The following SPIN2A variants were observed in gnomAD, a reference collection of about 807,000 sequenced individuals.
SPIN2A encodes spindlin family member 2A.
SPIN2A carries 4 observed loss-of-function variants against 9.2 expected under a neutral mutation model. The ratio of observed to expected loss-of-function variants is 0.44; its 90% CI spans 0.21 to 1.00. The LOEUF (loss-of-function observed/expected upper bound fraction) is 1.00. Among genes scored for constraint, SPIN2A ranks in the 50% least tolerant of loss-of-function variants. The probability of loss-of-function intolerance (pLI) is 0.26; values close to 1 mark genes in which losing one functional copy is unlikely to be tolerated. For synonymous variants in SPIN2A, 25 were observed against 61.2 expected (o/e 0.41, Z 2.76); for missense variants, 77 against 172.8 (o/e 0.45, Z 3.11).
At chrX:57,139,566 GCCTC>G (rs1327655058), upstream of SPIN2A, among the ~76,000 whole-genome samples, 4 of 111,103 alleles carry the variant, frequency 3.6e-5, no homozygotes, top group Non-Finnish European at 7.5e-5. Context: ...CCATTCTCCT[GCCTC>G]AGCCTCCCGA....
downstream of SPIN2A, chrX:57,135,560 C>A (rs758823461): frequency 1.0e-5 from 5 of 477,720 alleles, no homozygotes; most frequent in Admixed American, 1.8e-4. Context: ...TTATTCACAG[C>A]CGAAATTGAC....
chrX:57,136,771 T>C, intron 1 of SPIN2A, 169 bp from the exon 2 acceptor site: 2 of 324,247 alleles, frequency 6.2e-6, no homozygotes, highest in Non-Finnish European at 1.1e-5. Flanking sequence ...CCTCTTAAGT[T>C]CCTTTGGGCT....
chrX:57,137,348 G>T lies in SPIN2A; in HGVS notation c.-94C>A. 1 of 757,871 alleles carries T rather than the reference G, an allele frequency of 1.3e-6. No individual in the cohort carries two copies. Among genetic ancestry groups the T allele is most frequent in the Non-Finnish European group, 1.6e-6 (1 of 641,199 alleles). 62.5% of individuals were successfully genotyped at this position (757,871 alleles called of 1,213,427 possible). A position where few individuals can be genotyped will look rare whatever the true frequency, so the allele number is the denominator to read the frequency against. The stretch of plus-strand genomic sequence containing the variant: ...CTGCTTGCAAGAGCGGGGAGGGTAG[G>T]ATCCATAGATGAGGAGCGTGTGTAG... On this transcript the variant is annotated 5_prime_UTR_variant, in exon 1 of 2. Coordinates refer to ENST00000374906, the MANE Select transcript of SPIN2A (RefSeq NM_019003.5).
At chrX:57,142,037 G>A (rs920523405), upstream of SPIN2A, among the ~76,000 whole-genome samples, 8 of 110,513 alleles carry the variant, frequency 7.2e-5, no homozygotes, top group African/African-American at 2.6e-4. Context: ...GTAGATTTTT[G>A]TCATGTTTTC....
chrX:57,139,474 G>T (rs756655163), upstream of SPIN2A, among the ~76,000 whole-genome samples: 11 of 111,433 alleles, frequency 9.9e-5, no homozygotes, highest in Non-Finnish European at 1.5e-4. Flanking sequence ...TTGTTTGTTT[G>T]TTTTTTGAGA....
At chrX:57,137,400 C>G, upstream of SPIN2A, 8 of 738,994 alleles carry the variant, frequency 1.1e-5, no homozygotes, top group Non-Finnish European at 1.3e-5. Flanking sequence ...GCAAAGAGCA[C>G]TGCAGCGGTG....
At chrX:57,146,323 T>C in the SPIN2A span, among the ~76,000 whole-genome samples, 1 of 111,452 alleles carries the variant, frequency 9.0e-6, no homozygotes. Context: ...ATTTACTTTG[T>C]GGCAATTGTG....
the SPIN2A span, among the ~76,000 whole-genome samples, chrX:57,143,388 A>C: frequency 9.0e-6 from 1 of 111,049 alleles, no homozygotes; most frequent in Non-Finnish European, 1.9e-5. Flanking sequence ...AAAACTGAAA[A>C]AATGCTACAC....
At chrX:57,138,282 A>G (rs981382583), upstream of SPIN2A, among the ~76,000 whole-genome samples, 5 of 111,629 alleles carry the variant, frequency 4.5e-5, no homozygotes, top group African/African-American at 1.6e-4. Flanking sequence ...AGATTGCTAT[A>G]TCAAGTAAGA....
chrX:57,135,650 T>C lies in SPIN2A; in HGVS notation c.*171A>G. 7.8e-6 allele frequency: 8 copies of C among 1,029,293 alleles called. No homozygotes were observed. Among genetic ancestry groups the C allele is most frequent in the African/African-American group, 1.9e-5 (1 of 52,345 alleles). 84.8% of individuals were successfully genotyped at this position (1,029,293 alleles called of 1,213,427 possible). A position where few individuals can be genotyped will look rare whatever the true frequency, so the allele number is the denominator to read the frequency against. On this transcript the variant is annotated 3_prime_UTR_variant, in exon 2 of 2. Transcript: ENST00000374906. ...AGACAAAGGGCTTACAGACAGCATG[T>C]CATGTATTCACAAATTTGTATTTTT...
upstream of SPIN2A, among the ~76,000 whole-genome samples, chrX:57,141,786 T>G (rs1239782079): frequency 9.0e-6 from 1 of 111,167 alleles, no homozygotes; most frequent in East Asian, 2.8e-4. Context: ...TTTCTTTTTC[T>G]TTTTTTTAAA....
the SPIN2A span, among the ~76,000 whole-genome samples, chrX:57,144,644 A>G: frequency 9.1e-6 from 1 of 109,773 alleles, no homozygotes; most frequent in Admixed American, 9.8e-5. Flanking sequence ...ACTGAACCCA[A>G]TTTTCAGTCG....
At chrX:57,139,462 G>T (rs1477820480), upstream of SPIN2A, among the ~76,000 whole-genome samples, 1 of 111,228 alleles carries the variant, frequency 9.0e-6, no homozygotes, top group Non-Finnish European at 1.9e-5. Flanking sequence ...TTGTTTGCTT[G>T]TTTGTTTGTT....
chrX:57,144,457 T>C, the SPIN2A span, among the ~76,000 whole-genome samples: 8 of 110,122 alleles, frequency 7.3e-5, no homozygotes, highest in East Asian at 2.8e-4. Flanking sequence ...GGTTTTTTTT[T>C]CCCCTACTTG....
rs781562866 is a variant in SPIN2A at position 57,137,225 on chromosome X, G to A, written c.-6+35C>T. 2.8e-5 allele frequency: 21 copies of A among 759,081 alleles called. No individual in the cohort carries two copies. In the South Asian group the frequency reaches 6.5e-4, roughly 23 times the overall value. 62.6% of individuals were successfully genotyped at this position (759,081 alleles called of 1,213,427 possible). A position where few individuals can be genotyped will look rare whatever the true frequency, so the allele number is the denominator to read the frequency against. On this transcript the variant is annotated intron_variant, in intron 1 of 1. Coordinates refer to ENST00000374906, the MANE Select transcript of SPIN2A (RefSeq NM_019003.5). Reference sequence around the variant, plus strand: ...CTTGCCCTGCCTGGCGTCCACCGCCGGGGATCGCGGGCCTCACGTGCCGAA... The same window carrying A: ...CTTGCCCTGCCTGGCGTCCACCGCCAGGGATCGCGGGCCTCACGTGCCGAA...
At chrX:57,138,855 G>A (rs777987510), upstream of SPIN2A, among the ~76,000 whole-genome samples, 9 of 111,929 alleles carry the variant, frequency 8.0e-5, no homozygotes, top group East Asian at 1.4e-3. Flanking sequence ...CCATTTGTGC[G>A]TCTTAGTTTG....
At chrX:57,139,800 G>T (rs758477652), upstream of SPIN2A, among the ~76,000 whole-genome samples, 1 of 111,618 alleles carries the variant, frequency 9.0e-6, no homozygotes, top group Non-Finnish European at 1.9e-5. Context: ...TGATGCCCCA[G>T]CTTAGTTCTT....
At chrX:57,134,569 A>G (rs1261318066), downstream of SPIN2A, 7 of 111,637 alleles carry the variant, frequency 6.3e-5, no homozygotes, top group Non-Finnish European at 1.3e-4. Flanking sequence ...GATGCCCCTC[A>G]TCTCTAGATA....
chrX:57,138,773 T>A (rs1927916645), upstream of SPIN2A, among the ~76,000 whole-genome samples: 1 of 111,983 alleles, frequency 8.9e-6, no homozygotes, highest in Non-Finnish European at 1.9e-5. Context: ...GGTAAGATGA[T>A]ATCTCATTGC....
Sources: gnomAD v4.1 joint callset for allele counts (sites outside exome capture counted in the v4.1 genomes callset) on GRCh38, gnomAD v4.1.1 for gene constraint, MANE v1.5 for transcripts, NCBI Gene and HGNC (gene_info 2026-07-23, HGNC 2026-07-21) for gene names.